Variants in TAFA2 observed in about 807,000 individuals in gnomAD.
The protein encoded by TAFA2 is TAFA chemokine like family member 2.
A neutral mutation model predicts 18.8 loss-of-function variants in TAFA2; 7 were observed. The observed-to-expected ratio is 0.37, with a 90% CI of 0.21 to 0.70. The LOEUF (loss-of-function observed/expected upper bound fraction) is 0.70. Among genes scored for constraint, TAFA2 ranks in the 30% least tolerant of loss-of-function variants. The probability of loss-of-function intolerance (pLI) is 0.53; values close to 1 mark genes in which losing one functional copy is unlikely to be tolerated. For synonymous variants in TAFA2, 60 were observed against 54.2 expected (o/e 1.11, Z -0.47); for missense variants, 122 against 158.1 (o/e 0.77, Z 1.23).
At chr12:62,233,016 T>TA (rs1303157507) in intron 1 of TAFA2, among the ~76,000 whole-genome samples, 1 of 146,878 alleles carries the variant, frequency 6.8e-6, no homozygotes. Flanking sequence ...CTAACCCCCT[T>TA]ACCCAATTGC....
intron 2 of TAFA2, among the ~76,000 whole-genome samples, chr12:61,786,010 T>G (rs2120907537): frequency 6.6e-6 from 1 of 151,600 alleles, no homozygotes; most frequent in Non-Finnish European, 1.5e-5. Flanking sequence ...TCACAGAGAT[T>G]ACTGGAGACG....
intron 2 of TAFA2, among the ~76,000 whole-genome samples, chr12:61,824,078 C>G (rs1872435108): frequency 6.6e-6 from 1 of 152,158 alleles, no homozygotes; most frequent in African/African-American, 2.4e-5. Flanking sequence ...GCTTTAGATT[C>G]TCCCTTGTCA....
intron 1 of TAFA2, among the ~76,000 whole-genome samples, chr12:61,963,711 A>C (rs1042346521): frequency 6.6e-6 from 1 of 152,024 alleles, no homozygotes; most frequent in South Asian, 2.1e-4. Flanking sequence ...CTTTCTGCAC[A>C]TAATTAGAAA....
At chr12:62,056,554 C>T (rs1261034548) in intron 1 of TAFA2, among the ~76,000 whole-genome samples, 1 of 152,158 alleles carries the variant, frequency 6.6e-6, no homozygotes, top group Non-Finnish European at 1.5e-5. Context: ...TGGGCTCCCC[C>T]ACCAACCCCA....
intron 1 of TAFA2, among the ~76,000 whole-genome samples, chr12:62,092,739 T>C (rs764633217): frequency 1.2e-4 from 18 of 152,010 alleles, no homozygotes; most frequent in Non-Finnish European, 2.1e-4. Flanking sequence ...ACACCTACTA[T>C]AGTAGATTAG....
At chr12:61,900,795 T>G (rs754666001) in intron 1 of TAFA2, among the ~76,000 whole-genome samples, 1 of 152,250 alleles carries the variant, frequency 6.6e-6, no homozygotes, top group Non-Finnish European at 1.5e-5. Flanking sequence ...TATCCATTTT[T>G]GGCCTTACTA....
intron 2 of TAFA2, among the ~76,000 whole-genome samples, chr12:61,861,828 A>G (rs939623835): frequency 1.3e-5 from 2 of 152,250 alleles, no homozygotes; most frequent in Non-Finnish European, 2.9e-5. Context: ...TCAATTAAAA[A>G]TAAAATAAAA....
chr12:62,122,008 G>A (rs1034917546), intron 1 of TAFA2, among the ~76,000 whole-genome samples: 2 of 152,196 alleles, frequency 1.3e-5, no homozygotes, highest in African/African-American at 2.4e-5. Context: ...CTTATAAGTG[G>A]AAGCTAAATG....
At chr12:62,252,331 G>C (rs1345952295) in intron 1 of TAFA2, 1 of 152,226 alleles carries the variant, frequency 6.6e-6, no homozygotes, top group South Asian at 2.1e-4. Flanking sequence ...TGCCAGGATG[G>C]TGACTGCTCT....
chr12:62,115,311 C>G (rs1349123657), intron 1 of TAFA2, among the ~76,000 whole-genome samples: 1 of 152,104 alleles, frequency 6.6e-6, no homozygotes, highest in Non-Finnish European at 1.5e-5. Flanking sequence ...CAACTCCATG[C>G]TGCAGCAGGA....
At chr12:61,794,246 G>C (rs969510076) in intron 2 of TAFA2, among the ~76,000 whole-genome samples, 11 of 151,942 alleles carry the variant, frequency 7.2e-5, no homozygotes, top group Non-Finnish European at 1.6e-4. Context: ...AAAGTATCCA[G>C]ATTGGAAAGG....
intron 1 of TAFA2, among the ~76,000 whole-genome samples, chr12:62,217,660 A>T (rs1592405680): frequency 6.6e-6 from 1 of 152,152 alleles, no homozygotes; most frequent in Non-Finnish European, 1.5e-5. Flanking sequence ...GAAGGGCCAT[A>T]CCTGTTCCAG....
intron 1 of TAFA2, among the ~76,000 whole-genome samples, chr12:62,086,240 G>C (rs1868447691): frequency 6.6e-6 from 1 of 151,410 alleles, no homozygotes; most frequent in Non-Finnish European, 1.5e-5. Flanking sequence ...GATTTAGCAA[G>C]ATTGTTTGGA....
At chr12:62,108,050 C>T (rs1295196568) in intron 1 of TAFA2, among the ~76,000 whole-genome samples, 4 of 152,006 alleles carry the variant, frequency 2.6e-5, no homozygotes, top group African/African-American at 4.8e-5. Context: ...AGGTTTCTTA[C>T]GTAGGTATAC....
intron 1 of TAFA2, among the ~76,000 whole-genome samples, chr12:61,883,639 T>C (rs923576497): frequency 2.0e-5 from 3 of 152,096 alleles, no homozygotes; most frequent in African/African-American, 7.2e-5. Context: ...TATAGTGGCT[T>C]AGAAAGAGAT....
At chr12:61,794,129 A>T (rs185469561) in intron 2 of TAFA2, among the ~76,000 whole-genome samples, 1 of 152,030 alleles carries the variant, frequency 6.6e-6, no homozygotes, top group Admixed American at 6.6e-5. Context: ...TTTTTTTCTA[A>T]AATCAGGAAC....
intron 4 of TAFA2, among the ~76,000 whole-genome samples, chr12:61,713,800 T>TG (rs956841776): frequency 4.6e-5 from 7 of 152,004 alleles, no homozygotes; most frequent in African/African-American, 1.2e-4. Flanking sequence ...TCTGGCATGC[T>TG]GGGGGGGAAA....
At chr12:62,078,540 G>T (rs529333689) in intron 1 of TAFA2, among the ~76,000 whole-genome samples, 1 of 152,222 alleles carries the variant, frequency 6.6e-6, no homozygotes, top group East Asian at 1.9e-4. Flanking sequence ...ACACCCAGGG[G>T]TGTAGATTTA....
intron 1 of TAFA2, among the ~76,000 whole-genome samples, chr12:62,038,823 A>G (rs1485809852): frequency 6.6e-6 from 1 of 152,210 alleles, no homozygotes; most frequent in East Asian, 1.9e-4. Flanking sequence ...TTCCGCCAAG[A>G]GTACACTGTA....
Sources: gnomAD v4.1 joint callset for allele counts (sites outside exome capture counted in the v4.1 genomes callset) on GRCh38, gnomAD v4.1.1 for gene constraint, MANE v1.5 for transcripts, NCBI Gene and HGNC (gene_info 2026-07-23, HGNC 2026-07-21) for gene names.